Variants in MCC observed in about 807,000 individuals in gnomAD.
MCC encodes the protein MCC regulator of Wnt signaling pathway.
Under a neutral mutation model 116.2 loss-of-function variants are expected in MCC, and 90 were observed. The ratio of observed to expected loss-of-function variants is 0.77; its 90% CI spans 0.65 to 0.92. MCC has a LOEUF of 0.92. Among genes scored for constraint, MCC ranks in the 40% least tolerant of loss-of-function variants. MCC has a pLI of 0.00. For missense variants in MCC, 1,516 were observed against 1,312.2 expected, an observed-to-expected ratio of 1.16 and a Z score of -2.40; for synonymous variants, 578 against 510.5, an observed-to-expected ratio of 1.13 and a Z score of -1.78.
chr5:113,297,519 C>G (rs998638961), intron 3 of MCC, among the ~76,000 whole-genome samples: 1 of 151,428 alleles, frequency 6.6e-6, no homozygotes, highest in Non-Finnish European at 1.5e-5. Flanking sequence ...AAGCCGAGAC[C>G]GCACCACCAC....
At chr5:113,326,149 A>G (rs1767545698) in intron 3 of MCC, among the ~76,000 whole-genome samples, 1 of 152,250 alleles carries the variant, frequency 6.6e-6, no homozygotes, top group Non-Finnish European at 1.5e-5. Context: ...AGTATGAATC[A>G]AGACAACACA....
intron 3 of MCC, among the ~76,000 whole-genome samples, chr5:113,255,674 G>A (rs1764978751): frequency 6.6e-6 from 1 of 152,172 alleles, no homozygotes; most frequent in South Asian, 2.1e-4. Context: ...TCAGCCTTAG[G>A]AGGAATATGC....
intron 3 of MCC, among the ~76,000 whole-genome samples, chr5:113,244,675 A>G: frequency 6.6e-6 from 1 of 152,224 alleles, no homozygotes; most frequent in East Asian, 1.9e-4. Context: ...CTTCCACTAG[A>G]AAAATGGTTT....
At chr5:113,070,025 T>G (rs528489852) in intron 12 of MCC, among the ~76,000 whole-genome samples, 1 of 152,324 alleles carries the variant, frequency 6.6e-6, no homozygotes, top group Non-Finnish European at 1.5e-5. Context: ...TCCATGAGGT[T>G]GTACTAATGT....
intron 3 of MCC, among the ~76,000 whole-genome samples, chr5:113,207,561 GTTCTT>G (rs1762963726): frequency 6.6e-6 from 1 of 152,080 alleles, no homozygotes. Context: ...TTGTTCTTTT[GTTCTT>G]TTCATCTGTC....
chr5:113,064,276 G>A (rs1278573120), intron 13 of MCC, 109 bp from the exon 14 acceptor site: 20 of 1,039,408 alleles, frequency 1.9e-5, no homozygotes, highest in Middle Eastern at 5.3e-4. Context: ...GTGGCACTGT[G>A]GAAGGGAATT....
chr5:113,068,526 T>C (rs1753787310), intron 12 of MCC, among the ~76,000 whole-genome samples: 1 of 152,234 alleles, frequency 6.6e-6, no homozygotes, highest in African/African-American at 2.4e-5. Context: ...CACCCTGGTG[T>C]CCACACCCTT....
chr5:113,457,405 C>G (rs570984706), intron 1 of MCC, among the ~76,000 whole-genome samples: 50 of 152,374 alleles, frequency 3.3e-4, no homozygotes, highest in African/African-American at 1.2e-3. Flanking sequence ...GGGACTGCAG[C>G]CTGCCATGCC....
chr5:113,055,100 C>A (rs934820233), intron 14 of MCC, among the ~76,000 whole-genome samples: 6 of 152,194 alleles, frequency 3.9e-5, no homozygotes, highest in African/African-American at 1.4e-4. Flanking sequence ...ACAGGCCAGG[C>A]TGTGTTGTCA....
At chr5:113,259,170 T>C (rs183925419) in intron 3 of MCC, among the ~76,000 whole-genome samples, 1 of 152,330 alleles carries the variant, frequency 6.6e-6, no homozygotes, top group African/African-American at 2.4e-5. Context: ...AAATCCCTTC[T>C]CTTAGAAAGG....
At chr5:113,244,671 C>A (rs1475877498) in intron 3 of MCC, among the ~76,000 whole-genome samples, 1 of 152,200 alleles carries the variant, frequency 6.6e-6, no homozygotes, top group Non-Finnish European at 1.5e-5. Context: ...TACTCTTCCA[C>A]TAGAAAAATG....
chr5:113,032,044 T>G (rs1369630212), intron 17 of MCC, among the ~76,000 whole-genome samples: 1 of 152,220 alleles, frequency 6.6e-6, no homozygotes, highest in African/African-American at 2.4e-5. Flanking sequence ...AACTTAAACC[T>G]AAAATTTGGG....
chr5:113,402,133 A>G (rs1378765735), intron 1 of MCC, among the ~76,000 whole-genome samples: 1 of 151,954 alleles, frequency 6.6e-6, no homozygotes, highest in Non-Finnish European at 1.5e-5. Context: ...TCTCTACTAA[A>G]AATACAAAAA....
At chr5:113,435,123 G>C (rs1043653584) in intron 1 of MCC, 3 of 410,134 alleles carry the variant, frequency 7.3e-6, no homozygotes, top group African/African-American at 5.8e-5. Context: ...GGCTGGAGCA[G>C]ACAAGATGAG....
intron 4 of MCC, among the ~76,000 whole-genome samples, chr5:113,148,660 C>G (rs1038219070): frequency 1.3e-5 from 2 of 152,180 alleles, no homozygotes; most frequent in Non-Finnish European, 2.9e-5. Flanking sequence ...AAGTGCAGCA[C>G]AGTCATTTCA....
Position 113,433,766 on chromosome 5 carries a change from G to C in MCC, c.171-48554C>G, listed in dbSNP as rs780226113. 1.1e-5 allele frequency: 18 copies of C among 1,613,654 alleles called. No homozygotes were observed. In the Middle Eastern group the frequency reaches 4.9e-4, roughly 44 times the overall value. On this transcript the variant is annotated intron_variant, in intron 1 of 18. Transcript: ENST00000408903. ...GGGCCCGCGTCTCTGGAGGCTGTTG[G>C]GGGGGCCCTTCCTCTGTCTCCATAG...
At chr5:113,092,467 G>A (rs767447993) in intron 8 of MCC, among the ~76,000 whole-genome samples, 3 of 152,194 alleles carry the variant, frequency 2.0e-5, no homozygotes, top group Non-Finnish European at 4.4e-5. Context: ...CCCTAGGACT[G>A]TAAGATGATA....
intron 8 of MCC, among the ~76,000 whole-genome samples, chr5:113,094,291 C>T (rs78445230): frequency 2.0e-5 from 3 of 151,892 alleles, no homozygotes; most frequent in Non-Finnish European, 2.9e-5. Flanking sequence ...GAGAAAACAT[C>T]CAACAGCATT....
chr5:113,072,335 C>A (rs1009539796), intron 11 of MCC, among the ~76,000 whole-genome samples: 17 of 152,288 alleles, frequency 1.1e-4, no homozygotes, highest in African/African-American at 3.9e-4. Flanking sequence ...TCTGGCCATT[C>A]CAAGGTCACT....
Sources: gnomAD v4.1 joint callset for allele counts (sites outside exome capture counted in the v4.1 genomes callset) on GRCh38, gnomAD v4.1.1 for gene constraint, MANE v1.5 for transcripts, NCBI Gene and HGNC (gene_info 2026-07-23, HGNC 2026-07-21) for gene names.